Variants in MAPRE2 observed in about 807,000 individuals in gnomAD.
MAPRE2 encodes microtubule associated protein RP/EB family member 2.
A neutral mutation model predicts 43.2 loss-of-function variants in MAPRE2; 13 were observed. The observed-to-expected ratio is 0.30, with a 90% CI of 0.20 to 0.48. The LOEUF is 0.48. MAPRE2 is among the 20% of genes least tolerant of loss of function. The pLI is 0.99. For missense variants in MAPRE2, 161 were observed against 400.2 expected (o/e 0.40, Z 5.10); for synonymous variants, 135 against 148.8 (o/e 0.91, Z 0.68).
At position 35,140,544 on chromosome 18, in the gene MAPRE2, G is replaced by A. The variant is rs1346626860; in HGVS notation, c.*175G>A. The A allele has an allele frequency of 1.2e-5, 8 of 648,596 alleles. No homozygotes were observed. The highest frequency in any genetic ancestry group is 1.0e-4 in the South Asian group (5 of 47,820). 40.2% of individuals were successfully genotyped at this position (648,596 alleles called of 1,614,324 possible). ...CTTGGTTCCCATTTTCTTTGCCAAG[G>A]TGTATTAGCGGACGGCCCTCTGGCC... On this transcript the variant is annotated 3_prime_UTR_variant, in exon 7 of 7. Transcript: ENST00000300249.
rs576548136 is a variant in MAPRE2, at chr18:35,139,822, G to C, written c.910-473G>C. 3.3e-5 allele frequency among the ~76,000 whole-genome samples: 5 copies of C among 152,292 alleles called. No individual in the cohort carries two copies. The South Asian group carries it at 1.0e-3, about 32-fold the overall frequency. ...GCAAGAAGAATGACAGCAAGGGAGGGACTAGGAAATGGAGCAAAAGCCCAC... is the reference window on the plus strand; with the variant it reads ...GCAAGAAGAATGACAGCAAGGGAGGCACTAGGAAATGGAGCAAAAGCCCAC... On this transcript the variant is annotated intron_variant, in intron 6 of 6. Transcript: ENST00000300249.
chr18:35,001,964 C>A (rs1042403928), intron 1 of MAPRE2, among the ~76,000 whole-genome samples: 1 of 152,112 alleles, frequency 6.6e-6, no homozygotes, highest in African/African-American at 2.4e-5. Context: ...GCCATGGTAG[C>A]ATCTTGCAAA....
chr18:34,982,419 A>C (rs544246329), intron 1 of MAPRE2, among the ~76,000 whole-genome samples: 1 of 152,126 alleles, frequency 6.6e-6, no homozygotes, highest in Non-Finnish European at 1.5e-5. Context: ...TGTCTCCCTC[A>C]AAGCACATTC....
At chr18:35,075,123 TGTA>T (rs1467012354) in intron 2 of MAPRE2, among the ~76,000 whole-genome samples, 1 of 152,168 alleles carries the variant, frequency 6.6e-6, no homozygotes, top group Non-Finnish European at 1.5e-5. Flanking sequence ...CTAATGATAT[TGTA>T]GTCACATTTG....
chr18:35,020,918 T>C (rs1355675270), intron 2 of MAPRE2, among the ~76,000 whole-genome samples: 1 of 152,188 alleles, frequency 6.6e-6, no homozygotes, highest in Non-Finnish European at 1.5e-5. Flanking sequence ...AGAAACAGAA[T>C]TATTTGTCTG....
In MAPRE2 at chr18:35,097,600, C is replaced by T. The variant is rs753703719; in HGVS notation, c.396+9C>T. ...GAATGAACGTTGATAAGGTAGGAGA[C>T]TTGTACCTCCATAAAATGTGTTGTT... On this transcript the variant is annotated intron_variant, in intron 3 of 6. Transcript: ENST00000300249. 1 of 1,603,868 alleles carries T rather than the reference C, an allele frequency of 6.2e-7. No individual in the cohort carries two copies. Among genetic ancestry groups the T allele is most frequent in the Non-Finnish European group, 8.5e-7 (1 of 1,175,848 alleles).
intron 2 of MAPRE2, among the ~76,000 whole-genome samples, chr18:35,019,234 C>A (rs1232625439): frequency 6.6e-6 from 1 of 151,910 alleles, no homozygotes; most frequent in Non-Finnish European, 1.5e-5. Context: ...TATTGAGACA[C>A]TTTATGGCTG....
At chr18:35,128,608 C>T (rs186940440) in intron 5 of MAPRE2, among the ~76,000 whole-genome samples, 9 of 152,254 alleles carry the variant, frequency 5.9e-5, no homozygotes, top group African/African-American at 1.9e-4. Flanking sequence ...TATGCAAATA[C>T]GATGCCATCT....
intron 2 of MAPRE2, among the ~76,000 whole-genome samples, chr18:35,087,371 A>G (rs1201196873): frequency 6.6e-6 from 1 of 152,176 alleles, no homozygotes; most frequent in Non-Finnish European, 1.5e-5. Flanking sequence ...ACCTCTTAGT[A>G]GGCACAGCAT....
chr18:35,042,771 ACT>A (rs1905431487), intron 1 of MAPRE2, among the ~76,000 whole-genome samples: 1 of 151,762 alleles, frequency 6.6e-6, no homozygotes, highest in African/African-American at 2.4e-5. Context: ...ACAGGAAATA[ACT>A]CTTTTTTTCC....
At position 35,128,933 on chromosome 18, in the gene MAPRE2, G is replaced by A. The variant is rs535311435; in HGVS notation, c.750+1846G>A. Among the ~76,000 whole-genome samples, 3 of 152,244 alleles carry A rather than the reference G, an allele frequency of 2.0e-5. No homozygotes were observed. In the South Asian group the frequency reaches 6.2e-4, roughly 32 times the overall value. On this transcript the variant is annotated intron_variant, in intron 5 of 6. Transcript: ENST00000300249. ...TGGGGCTGGCTGTAGGCTCCCGCTA[G>A]CTCTCCAGATCACACACAGAGCCCC...
chr18:34,990,405 C>G (rs571240448), intron 1 of MAPRE2, among the ~76,000 whole-genome samples: 1 of 152,238 alleles, frequency 6.6e-6, no homozygotes, highest in South Asian at 2.1e-4. Flanking sequence ...GCTTGTCTGA[C>G]AGGAGAGGGT....
At chr18:35,046,749 A>G (rs1905641987) in intron 1 of MAPRE2, among the ~76,000 whole-genome samples, 2 of 152,202 alleles carry the variant, frequency 1.3e-5, no homozygotes, top group African/African-American at 2.4e-5. Flanking sequence ...TGAGCCCTCT[A>G]ATGTGCAGAG....
In MAPRE2 at chr18:34,978,205, T is replaced by C. The variant is rs114031311; in HGVS notation, c.-70+1126T>C. 1,845 of 444,442 alleles carry C rather than the reference T, an allele frequency of 4.2e-3. 23 individuals carry two copies. The highest frequency in any genetic ancestry group is 0.029 in the African/African-American group (1,400 of 48,982). The allele number at this position is 444,442 out of a possible 1,614,324, so 27.5% of individuals were successfully genotyped here. ...TTGTCTTCTCTATCACTTGTTCACA[T>C]CTCCTTTTCCAAAAAAAGAAGAACA... On this transcript the variant is annotated intron_variant, in intron 1 of 7. Coordinates refer to the MAPRE2 transcript ENST00000413393.
chr18:34,989,890 T>A (rs557737594), intron 1 of MAPRE2, among the ~76,000 whole-genome samples: 1 of 152,274 alleles, frequency 6.6e-6, no homozygotes, highest in African/African-American at 2.4e-5. Context: ...GAAACATTGA[T>A]ATGGAAAGCC....
At chr18:34,977,335 G>A (rs942177060) in intron 1 of MAPRE2, among the ~76,000 whole-genome samples, 1 of 152,208 alleles carries the variant, frequency 6.6e-6, no homozygotes, top group Non-Finnish European at 1.5e-5. Context: ...CCCCAGCTCT[G>A]TGCACCCCAG....
intron 2 of MAPRE2, among the ~76,000 whole-genome samples, chr18:35,090,984 C>A (rs1908122767): frequency 6.6e-6 from 1 of 151,848 alleles, no homozygotes; most frequent in African/African-American, 2.4e-5. Context: ...AAATGAGACA[C>A]CTAAGAATAA....
chr18:34,991,914 G>A (rs775464022), intron 1 of MAPRE2, among the ~76,000 whole-genome samples: 1 of 152,182 alleles, frequency 6.6e-6, no homozygotes, highest in Non-Finnish European at 1.5e-5. Context: ...ATCCCAATGG[G>A]AAGAGATTTT....
At chr18:35,001,513 C>CAAA (rs57415569) in intron 1 of MAPRE2, among the ~76,000 whole-genome samples, 119 of 137,178 alleles carry the variant, frequency 8.7e-4, no homozygotes, top group African/African-American at 2.7e-3. Flanking sequence ...GACTTTGTCT[C>CAAA]AAAAAAAAAA....
Sources: allele counts gnomAD v4.1 joint callset (sites outside exome capture counted in the v4.1 genomes callset), GRCh38; gene constraint gnomAD v4.1.1; transcripts MANE v1.5; gene names NCBI Gene and HGNC (gene_info 2026-07-23, HGNC 2026-07-21).